Variants in UNKL observed in about 807,000 individuals in gnomAD.
UNKL encodes the protein unk like zinc finger.
In UNKL, 60 loss-of-function variants were observed where a neutral mutation model predicts 78.0. The observed-to-expected ratio is 0.77, with a 90% CI of 0.63 to 0.95. UNKL has a LOEUF of 0.95. UNKL is among the 40% of genes least tolerant of loss of function. The probability of loss-of-function intolerance (pLI) is 0.00; values close to 1 mark genes in which losing one functional copy is unlikely to be tolerated. For synonymous variants in UNKL, 608 were observed against 474.8 expected (o/e 1.28, Z -3.65); for missense variants, 1,159 against 1,045.7 (o/e 1.11, Z -1.49).
intron 9 of UNKL, 109 bp downstream of exon 9, chr16:1,390,523 A>G: frequency 8.5e-7 from 1 of 1,182,184 alleles, no homozygotes; most frequent in South Asian, 1.5e-5. Flanking sequence ...GGGACCAAGG[A>G]TGCATGAGCG....
In UNKL at chr16:1,367,721, G is replaced by T; in HGVS notation, c.1723C>A (p.Arg575=). The change falls in exon 13 of 15, where the codon CGG becomes AGG. Residue 575 remains arginine, a synonymous_variant. Coordinates refer to ENST00000389221, the MANE Select transcript of UNKL (RefSeq NM_001372107.1). ...TTCCTCTTGGCCTCGTCCAGCTGCC[G>T]CCTGACCCGGGCCAGCTCAGCTCCG... ...PNGAELARVR[R]QLDEAKRKIR... is the part of the protein sequence containing the mutation. The T allele has an allele frequency of 6.3e-7, 1 of 1,579,872 alleles. No individual in the cohort carries two copies.
chr16:1,398,441 C>T (rs1323120363), intron 5 of UNKL: 10 of 1,100,692 alleles, frequency 9.1e-6, no homozygotes, highest in Non-Finnish European at 1.1e-5. Flanking sequence ...GTTTGTTCTA[C>T]AGCCGTTCAG....
At chr16:1,375,662 T>TG (rs1373552177) in intron 10 of UNKL, among the ~76,000 whole-genome samples, 2 of 152,132 alleles carry the variant, frequency 1.3e-5, no homozygotes, top group African/African-American at 4.8e-5. Flanking sequence ...AGTAACAGGT[T>TG]GGGGGTCGGG....
At chr16:1,404,401 C>A (rs1045944673) in intron 2 of UNKL, among the ~76,000 whole-genome samples, 1 of 152,178 alleles carries the variant, frequency 6.6e-6, no homozygotes, top group Non-Finnish European at 1.5e-5. Context: ...CCAGGTCTAG[C>A]CCCATCCTCT....
chr16:1,414,579 C>A, intron 1 of UNKL, 36 bp downstream of exon 1: 1 of 973,130 alleles, frequency 1.0e-6, no homozygotes, highest in Non-Finnish European at 1.2e-6. Context: ...CTGCACCGGG[C>A]GCGGGCGGGG....
intron 9 of UNKL, among the ~76,000 whole-genome samples, chr16:1,386,978 CAG>C (rs2036842405): frequency 6.6e-6 from 1 of 152,166 alleles, no homozygotes; most frequent in Non-Finnish European, 1.5e-5. Context: ...CTCCCTGGCC[CAG>C]AGACCACTTT....
Position 1,392,788 on chromosome 16 carries a change from T to A in UNKL, c.1023+103A>T, listed in dbSNP as rs376582102. ...TAGAAGAGCCACGAACTCCACAGACTGCCCACGACCACATTGCTGAAAACT... is the reference window on the plus strand; with the variant it reads ...TAGAAGAGCCACGAACTCCACAGACAGCCCACGACCACATTGCTGAAAACT... On this transcript the variant is annotated intron_variant, in intron 8 of 14. Coordinates refer to ENST00000389221, the MANE Select transcript of UNKL (RefSeq NM_001372107.1). 4 of 1,358,606 alleles carry A rather than the reference T, an allele frequency of 2.9e-6. No individual in the cohort carries two copies. The African/African-American group carries it at 5.8e-5, about 20-fold the overall frequency. The allele number at this position is 1,358,606 out of a possible 1,614,324, so 84.2% of individuals were successfully genotyped here. A position where few individuals can be genotyped will look rare whatever the true frequency, so the allele number is the denominator to read the frequency against.
Position 1,375,137 on chromosome 16 carries a change from A to G in UNKL, c.1265-3526T>C, listed in dbSNP as rs146560358. ...GGCGGTCACACCCCCCGAGCCCCCC[A>G]GGGCAGCCGGAGTATCCTCGTGCCG... On this transcript the variant is annotated intron_variant, in intron 10 of 14. Coordinates refer to ENST00000389221, the MANE Select transcript of UNKL (RefSeq NM_001372107.1). Among the ~76,000 whole-genome samples the G allele has an allele frequency of 3.7e-3, 565 of 152,270 alleles. 4 individuals are homozygous for G. Among genetic ancestry groups the G allele is most frequent in the African/African-American group, 0.012 (518 of 41,570 alleles).
intron 10 of UNKL, among the ~76,000 whole-genome samples, chr16:1,377,590 C>T (rs897895196): frequency 5.3e-5 from 8 of 152,112 alleles, no homozygotes; most frequent in African/African-American, 1.4e-4. Context: ...CAGCCCTGCG[C>T]CTGTGCCCTG....
intron 7 of UNKL, among the ~76,000 whole-genome samples, chr16:1,393,412 C>T (rs1453979726): frequency 6.6e-6 from 1 of 150,834 alleles, no homozygotes; most frequent in Non-Finnish European, 1.5e-5. Context: ...TGAGTCCAAA[C>T]CCCAGGGCTG....
intron 2 of UNKL, among the ~76,000 whole-genome samples, chr16:1,412,705 C>T (rs181603294): frequency 7.6e-4 from 116 of 152,294 alleles, no homozygotes; most frequent in African/African-American, 2.5e-3. Flanking sequence ...CAGATATATT[C>T]TACAGCGTGA....
At chr16:1,369,060 T>TTG (rs2035557149) in intron 12 of UNKL, among the ~76,000 whole-genome samples, 1 of 118,564 alleles carries the variant, frequency 8.4e-6, no homozygotes, top group Non-Finnish European at 1.8e-5. Flanking sequence ...TATTAGTTTT[T>TTG]TTTTTTTTTT....
At position 1,371,509 on chromosome 16, in the gene UNKL, C is replaced by T; in HGVS notation, c.1357+10G>A. On this transcript the variant is annotated intron_variant, in intron 11 of 14. Coordinates refer to ENST00000389221, the MANE Select transcript of UNKL (RefSeq NM_001372107.1). ...GGAGGAGCAGGGCCCCAGGTCCTCC[C>T]CACCCTCACCTGCTGCTCCCAGGTC... 1 of 1,536,026 alleles carries T rather than the reference C, an allele frequency of 6.5e-7. No individual in the cohort carries two copies. Among genetic ancestry groups the T allele is most frequent in the Non-Finnish European group, 8.7e-7 (1 of 1,146,816 alleles).
At chr16:1,368,143 C>T (rs2035463437) in intron 12 of UNKL, 1 of 481,522 alleles carries the variant, frequency 2.1e-6, no homozygotes, top group Non-Finnish European at 3.7e-6. Flanking sequence ...AATTCAAGTT[C>T]CTGGGACCAC....
intron 10 of UNKL, among the ~76,000 whole-genome samples, chr16:1,378,075 G>A (rs1161689851): frequency 2.6e-5 from 4 of 152,170 alleles, no homozygotes; most frequent in Admixed American, 6.5e-5. Flanking sequence ...GGCTCAGCCT[G>A]GCTGTGCCTT....
chr16:1,395,890 C>T (rs900808325), intron 6 of UNKL: 40 of 404,708 alleles, frequency 9.9e-5, no homozygotes, highest in South Asian at 6.1e-4. Context: ...AGTCAAGAAA[C>T]GACGGGAAGC....
chr16:1,408,012 C>A (rs35826241), intron 2 of UNKL, among the ~76,000 whole-genome samples: 2 of 152,086 alleles, frequency 1.3e-5, no homozygotes, highest in African/African-American at 4.8e-5. Flanking sequence ...GGCTGAGGCA[C>A]GAGGATCAGC....
chr16:1,401,809 C>T, intron 3 of UNKL, 108 bp from the exon 4 acceptor site: 1 of 1,458,178 alleles, frequency 6.9e-7, no homozygotes. Context: ...AGAGAGGCTG[C>T]TGCCGAAGGG....
intron 2 of UNKL, among the ~76,000 whole-genome samples, chr16:1,406,919 C>T (rs1213190079): frequency 1.9e-5 from 1 of 53,348 alleles, no homozygotes; most frequent in African/African-American, 9.6e-5. Context: ...AGGTGGACCA[C>T]CTGAGGTCAG....
Sources: allele counts gnomAD v4.1 joint callset (sites outside exome capture counted in the v4.1 genomes callset), GRCh38; gene constraint gnomAD v4.1.1; transcripts MANE v1.5; gene names NCBI Gene and HGNC (gene_info 2026-07-23, HGNC 2026-07-21).